The following BPHL variants were observed in gnomAD, a reference collection of about 807,000 sequenced individuals.
The protein encoded by BPHL is serine hydrolase BPHL.
Under a neutral mutation model 31.2 loss-of-function variants are expected in BPHL, and 27 were observed. That is an observed-to-expected ratio of 0.87 (90% CI 0.64 to 1.19). The LOEUF (loss-of-function observed/expected upper bound fraction) is 1.19. BPHL is among the 50% of genes most tolerant of loss of function. BPHL has a pLI of 0.00. For missense variants in BPHL, 356 were observed against 375.7 expected (o/e 0.95, Z 0.43); for synonymous variants, 150 against 146.8 (o/e 1.02, Z -0.16).
rs1208386097 is a variant in BPHL, at chr6:3,140,938, C to G, written c.788+429C>G. On this transcript the variant is annotated intron_variant, in intron 6 of 6. Coordinates refer to ENST00000380379, the MANE Select transcript of BPHL (RefSeq NM_004332.4). The surrounding 1 kb of genome is among the most constrained non-coding windows in gnomAD (Gnocchi z 5.2). ...CAAATTTCTGATGTCTGCTGACAGC[C>G]AGCCCTACTCAGCACAGTTAATGGT... Among the ~76,000 whole-genome samples the G allele has an allele frequency of 6.6e-6, 1 of 152,190 alleles. No homozygotes were observed. The highest frequency in any genetic ancestry group is 1.9e-4 in the East Asian group (1 of 5,206).
At chr6:3,134,833 A>G (rs547006505) in intron 4 of BPHL, among the ~76,000 whole-genome samples, 8 of 151,876 alleles carry the variant, frequency 5.3e-5, no homozygotes, top group African/African-American at 1.9e-4. Context: ...CGATCTCCTG[A>G]CCTCGTGATC....
chr6:3,122,645 A>T (rs971255743), intron 1 of BPHL, among the ~76,000 whole-genome samples: 1 of 152,130 alleles, frequency 6.6e-6, no homozygotes, highest in African/African-American at 2.4e-5. Context: ...GTCCAGTTAG[A>T]TGCTGGATCC....
chr6:3,123,084 C>T (rs1261866477), intron 1 of BPHL, among the ~76,000 whole-genome samples: 1 of 152,250 alleles, frequency 6.6e-6, no homozygotes, highest in Non-Finnish European at 1.5e-5. Context: ...TTGAGCAAGC[C>T]GCCTAGGGTT....
intron 1 of BPHL, among the ~76,000 whole-genome samples, chr6:3,120,700 G>C (rs1761544930): frequency 6.6e-6 from 1 of 152,158 alleles, no homozygotes; most frequent in Non-Finnish European, 1.5e-5. Flanking sequence ...ATTTATTCCT[G>C]GGTCAGGTCA....
intron 6 of BPHL, among the ~76,000 whole-genome samples, chr6:3,148,510 A>G (rs2113779096): frequency 6.6e-6 from 1 of 152,364 alleles, no homozygotes; most frequent in East Asian, 1.9e-4. Context: ...TAGACGCTGC[A>G]GGCAGCCAGG....
In BPHL at chr6:3,146,274, G is replaced by A. The variant is rs1281477802; in HGVS notation, c.788+5765G>A. 1.6e-4 allele frequency among the ~76,000 whole-genome samples: 4 copies of A among 25,724 alleles called. 1 individual carries two copies. Among genetic ancestry groups the A allele is most frequent in the African/African-American group, 3.8e-4 (3 of 7,926 alleles). The allele number at this position is 25,724 out of a possible 152,430, so 16.9% of individuals were successfully genotyped here. On this transcript the variant is annotated intron_variant, in intron 6 of 6. Transcript: ENST00000380379. ...TCGGGTCGGAGTGCTGGTTCGGGTC[G>A]GAGTGCTGGTTCGGGTCGAGTGCTG...
intron 1 of BPHL, among the ~76,000 whole-genome samples, chr6:3,121,288 T>C (rs1158203554): frequency 7.1e-6 from 1 of 141,422 alleles, no homozygotes; most frequent in Non-Finnish European, 1.5e-5. Context: ...ATAATAGCAG[T>C]TTCTTTTTTT....
In BPHL at chr6:3,123,464, A is replaced by G. The variant is rs1442044914; in HGVS notation, c.108-193A>G. ...ATATCCATCGTCTCAAACATTTATC[A>G]TGTCTTTGTGTTGGGAACATTCAGT... On this transcript the variant is annotated intron_variant, in intron 1 of 6. Coordinates refer to ENST00000380379, the MANE Select transcript of BPHL (RefSeq NM_004332.4). Among the ~76,000 whole-genome samples the G allele has an allele frequency of 2.6e-5, 4 of 152,312 alleles. No individual in the cohort carries two copies. The East Asian group carries it at 5.8e-4, about 22-fold the overall frequency.
At chr6:3,137,623 C>A in intron 5 of BPHL, 130 bp downstream of exon 5, 2 of 1,337,712 alleles carry the variant, frequency 1.5e-6, no homozygotes, top group Non-Finnish European at 1.0e-6. Context: ...GTGAGCAGAA[C>A]AGAGAATACT....
rs1205780186 is a variant in BPHL at position 3,140,895 on chromosome 6, T to TA, written c.788+393dup. Among the ~76,000 whole-genome samples, 1 of 152,160 alleles carries TA rather than the reference T, an allele frequency of 6.6e-6. No individual in the cohort carries two copies. Among genetic ancestry groups the TA allele is most frequent in the East Asian group, 1.9e-4 (1 of 5,204 alleles). On this transcript the variant is annotated intron_variant, in intron 6 of 6. Coordinates refer to ENST00000380379, the MANE Select transcript of BPHL (RefSeq NM_004332.4). This position sits in a 1 kb window ranked among gnomAD's most constrained non-coding sequence, Gnocchi z 5.2. The stretch of plus-strand genomic sequence containing the variant: ...TTATAAAAGCACTGACCACCCAATT[T>TA]AAAAAAATCTGTTAAACCAAATTTC...
chr6:3,133,898 A>G (rs549202293), intron 4 of BPHL, among the ~76,000 whole-genome samples: 1 of 152,344 alleles, frequency 6.6e-6, no homozygotes, highest in South Asian at 2.1e-4. Flanking sequence ...TACAAGTGAC[A>G]GATTATTTTC....
At chr6:3,142,044 T>C (rs775676177) in intron 6 of BPHL, among the ~76,000 whole-genome samples, 2 of 152,170 alleles carry the variant, frequency 1.3e-5, no homozygotes, top group Non-Finnish European at 2.9e-5. Context: ...CTTTATAAAA[T>C]TATAATACTA....
At chr6:3,123,323 A>T (rs954487405) in intron 1 of BPHL, among the ~76,000 whole-genome samples, 1 of 152,172 alleles carries the variant, frequency 6.6e-6, no homozygotes, top group South Asian at 2.1e-4. Context: ...CTGGGGGTGG[A>T]TTTTTAAACA....
At chr6:3,129,324 G>A in intron 4 of BPHL, 126 bp downstream of exon 4, 1 of 1,255,968 alleles carries the variant, frequency 8.0e-7, no homozygotes, top group Non-Finnish European at 1.1e-6. Flanking sequence ...CTCTCAGGTA[G>A]GAAGAATAAC....
At chr6:3,120,868 C>A (rs1488442940) in intron 1 of BPHL, among the ~76,000 whole-genome samples, 1 of 152,186 alleles carries the variant, frequency 6.6e-6, no homozygotes, top group East Asian at 1.9e-4. Flanking sequence ...CGCTTGCCAC[C>A]ACGCTGTATC....
rs201828162 is a variant in BPHL, at chr6:3,129,033, G to T, written c.379-12G>T. ...AATAACCCGTGCCGTGCATTTTGTC[G>T]TATGATCATAGGCGCTGAAGTTTAA... is the stretch of plus-strand genomic sequence containing the variant. On this transcript the variant is annotated splice_polypyrimidine_tract_variant and intron_variant, in intron 3 of 6. Coordinates refer to ENST00000380379, the MANE Select transcript of BPHL (RefSeq NM_004332.4). 3.7e-6 allele frequency: 6 copies of T among 1,614,106 alleles called. No homozygotes were observed. The highest frequency in any genetic ancestry group is 1.7e-5 in the Admixed American group (1 of 60,012).
intron 1 of BPHL, 139 bp from the exon 2 acceptor site, chr6:3,123,518 G>A (rs964445439): frequency 1.9e-5 from 11 of 587,860 alleles, no homozygotes; most frequent in Admixed American, 6.5e-5. Context: ...TTAAACTATC[G>A]CTTATTGTTA....
intron 1 of BPHL, among the ~76,000 whole-genome samples, chr6:3,121,616 C>T (rs1380292644): frequency 6.6e-6 from 1 of 152,074 alleles, no homozygotes; most frequent in Admixed American, 6.6e-5. Flanking sequence ...CACACCTGGC[C>T]GATCCTAAGC....
intron 6 of BPHL, among the ~76,000 whole-genome samples, chr6:3,148,480 G>A (rs563460720): frequency 3.4e-4 from 52 of 152,382 alleles, no homozygotes; most frequent in African/African-American, 1.2e-3. Context: ...GAAAAGTGAA[G>A]CCAGGTTCTG....
Sources: allele counts gnomAD v4.1 joint callset (sites outside exome capture counted in the v4.1 genomes callset), GRCh38; gene constraint gnomAD v4.1.1; non-coding constraint Gnocchi (gnomAD v3.1); transcripts MANE v1.5; gene names NCBI Gene and HGNC (gene_info 2026-07-23, HGNC 2026-07-21).